Variants in VIT observed in about 807,000 individuals in gnomAD.
VIT encodes vitrin.
VIT carries 99 observed loss-of-function variants against 78.0 expected under a neutral mutation model. The ratio of observed to expected loss-of-function variants is 1.27; its 90% CI spans 1.08 to 1.50. The LOEUF is 1.50. VIT is among the 40% of genes most tolerant of loss of function. The probability of loss-of-function intolerance (pLI) is 0.00; values close to 1 mark genes in which losing one functional copy is unlikely to be tolerated. For missense variants in VIT, 1,126 were observed against 875.3 expected (o/e 1.29, Z -3.61); for synonymous variants, 374 against 334.3 (o/e 1.12, Z -1.29).
chr2:36,811,978 G>T (rs564279397), intron 15 of VIT, among the ~76,000 whole-genome samples: 2 of 152,104 alleles, frequency 1.3e-5, no homozygotes, highest in African/African-American at 4.8e-5. Flanking sequence ...GCCTGGCCCG[G>T]AGAGCTAAAT....
intron 2 of VIT, among the ~76,000 whole-genome samples, chr2:36,723,417 A>G (rs1269792011): frequency 6.6e-6 from 1 of 152,176 alleles, no homozygotes; most frequent in Non-Finnish European, 1.5e-5. Flanking sequence ...GCCTGCTTAT[A>G]CTTCACCAAC....
At chr2:36,796,196 GA>G (rs1265124531) in intron 12 of VIT, among the ~76,000 whole-genome samples, 2 of 151,414 alleles carry the variant, frequency 1.3e-5, no homozygotes, top group Non-Finnish European at 1.5e-5. Flanking sequence ...CCAAATTCAG[GA>G]AAATGGTAAA....
At chr2:36,793,375 T>C (rs1470827047) in intron 12 of VIT, among the ~76,000 whole-genome samples, 3 of 152,188 alleles carry the variant, frequency 2.0e-5, no homozygotes, top group African/African-American at 7.2e-5. Context: ...TGGTGGGAAA[T>C]GTGGAAAAGA....
chr2:36,755,422 GA>G (rs1668704152), intron 5 of VIT, among the ~76,000 whole-genome samples: 1 of 152,128 alleles, frequency 6.6e-6, no homozygotes, highest in Non-Finnish European at 1.5e-5. Flanking sequence ...CTGTTAAGTG[GA>G]TAGATAGGTA....
intron 2 of VIT, among the ~76,000 whole-genome samples, chr2:36,724,746 C>A (rs1485463811): frequency 2.0e-5 from 3 of 152,176 alleles, no homozygotes; most frequent in African/African-American, 7.2e-5. Context: ...CTTGGGCAAC[C>A]AAAAGCAAAT....
chr2:36,805,263 C>T (rs1044428671), intron 13 of VIT, among the ~76,000 whole-genome samples, 175 bp from the exon 14 acceptor site: 2 of 145,822 alleles, frequency 1.4e-5, no homozygotes, highest in African/African-American at 5.1e-5. Context: ...GTGATCGAAC[C>T]ACTTCATTCC....
chr2:36,796,126 AAAC>A (rs1164902409), intron 12 of VIT, among the ~76,000 whole-genome samples: 22 of 133,336 alleles, frequency 1.6e-4, no homozygotes, highest in African/African-American at 5.7e-4. Flanking sequence ...AAAAAAAAAA[AAAC>A]ATAGTGGGCA....
In VIT at chr2:36,729,472, G is replaced by T; in HGVS notation, c.99G>T (p.Lys33Asn). The T allele has an allele frequency of 6.2e-7, 1 of 1,609,240 alleles. No individual in the cohort carries two copies. The highest frequency in any genetic ancestry group is 8.5e-7 in the Non-Finnish European group (1 of 1,177,952). ...ATTCAAACAAAGAAACGGCAAAGAA[G>T]ATTAAAAGGCCCAAGTTCAGTAAGT... ...GVHSNKETAK[K>N]IKRPKFTVPQ... The change falls in exon 3 of 16, where the codon AAG (lysine) becomes AAT (asparagine). Residue 33 changes from lysine to asparagine, a missense_variant. By Grantham distance (94) the Lys-to-Asn change is moderately conservative. Transcript: ENST00000379242.
intron 11 of VIT, among the ~76,000 whole-genome samples, chr2:36,785,027 A>G (rs1214989807): frequency 6.6e-6 from 1 of 152,260 alleles, no homozygotes; most frequent in East Asian, 1.9e-4. Flanking sequence ...AAACAATTCC[A>G]GATGTAAGAA....
intron 3 of VIT, among the ~76,000 whole-genome samples, chr2:36,740,048 C>CA (rs1340982617): frequency 1.3e-5 from 2 of 152,230 alleles, no homozygotes; most frequent in African/African-American, 2.4e-5. Flanking sequence ...TCTTCCCGCT[C>CA]CCTTTAGACC....
intron 8 of VIT, chr2:36,774,608 A>G: frequency 1.0e-6 from 1 of 985,356 alleles, no homozygotes. Flanking sequence ...TTGCTACTGG[A>G]TAGGAACAGG....
intron 11 of VIT, among the ~76,000 whole-genome samples, chr2:36,784,025 C>T (rs569672732): frequency 2.0e-5 from 3 of 151,850 alleles, no homozygotes; most frequent in Admixed American, 6.6e-5. Flanking sequence ...GGTTCGAAAC[C>T]GAGGCTATGA....
chr2:36,733,316 C>A (rs564249273), intron 3 of VIT, among the ~76,000 whole-genome samples: 1 of 152,218 alleles, frequency 6.6e-6, no homozygotes, highest in South Asian at 2.1e-4. Flanking sequence ...GCATCTCTCT[C>A]TTTCTCTCTC....
chr2:36,699,767 C>G (rs981096315), intron 1 of VIT, among the ~76,000 whole-genome samples: 5 of 152,094 alleles, frequency 3.3e-5, no homozygotes, highest in Admixed American at 3.3e-4. Context: ...GTCAATATAA[C>G]CCCATTCGGA....
chr2:36,774,672 G>A (rs77219548), intron 8 of VIT: 70,411 of 985,384 alleles, frequency 0.071, 2,757 homozygotes, highest in South Asian at 0.16. Context: ...CTTCACAATT[G>A]CACCTTTGCC....
At chr2:36,765,887 T>C (rs764445647) in intron 6 of VIT, among the ~76,000 whole-genome samples, 8 of 152,262 alleles carry the variant, frequency 5.3e-5, no homozygotes, top group Non-Finnish European at 1.2e-4. Flanking sequence ...CCACCCAGTT[T>C]GTGGTAGTTT....
chr2:36,741,921 T>A (rs2148514350), intron 3 of VIT, among the ~76,000 whole-genome samples: 1 of 152,326 alleles, frequency 6.6e-6, no homozygotes, highest in East Asian at 1.9e-4. Flanking sequence ...CCCTCTGGCA[T>A]CACAGCACAC....
chr2:36,794,959 G>A (rs995232515), intron 12 of VIT, among the ~76,000 whole-genome samples: 25 of 152,108 alleles, frequency 1.6e-4, no homozygotes, highest in African/African-American at 5.8e-4. Context: ...AGAAGCAAGG[G>A]GTGGTCAGTG....
chr2:36,703,347 A>AC (rs1003527861), intron 1 of VIT, among the ~76,000 whole-genome samples: 5 of 117,014 alleles, frequency 4.3e-5, no homozygotes, highest in East Asian at 2.7e-4. Context: ...CCCTACCCCC[A>AC]CCCCCCTACA....
Sources: gnomAD v4.1 joint callset for allele counts (sites outside exome capture counted in the v4.1 genomes callset) on GRCh38, gnomAD v4.1.1 for gene constraint, MANE v1.5 for transcripts, NCBI Gene and HGNC (gene_info 2026-07-23, HGNC 2026-07-21) for gene names.